Variants in LARGE1 observed in about 807,000 individuals in gnomAD.
The protein encoded by LARGE1 is LARGE xylosyl- and glucuronyltransferase 1.
LARGE1 carries 43 observed loss-of-function variants against 87.6 expected under a neutral mutation model. The observed-to-expected ratio is 0.49, with a 90% CI of 0.38 to 0.63. The LOEUF (loss-of-function observed/expected upper bound fraction) is 0.63, where lower values mean the gene tolerates loss of function less well. Among genes scored for constraint, LARGE1 ranks in the 30% least tolerant of loss-of-function variants. LARGE1 has a pLI of 0.00. For synonymous variants in LARGE1, 434 were observed against 394.6 expected, an observed-to-expected ratio of 1.10 and a Z score of -1.18; for missense variants, 802 against 1,000.2, an observed-to-expected ratio of 0.80 and a Z score of 2.67.
intron 9 of LARGE1, among the ~76,000 whole-genome samples, chr22:33,348,816 C>T (rs1238188647): frequency 6.6e-6 from 1 of 151,874 alleles, no homozygotes; most frequent in African/African-American, 2.4e-5. Flanking sequence ...CAAATCTCAT[C>T]TTGAATTGTA....
At chr22:33,127,289 T>G in the LARGE1 span, among the ~76,000 whole-genome samples, 1 of 152,092 alleles carries the variant, frequency 6.6e-6, no homozygotes. Flanking sequence ...CAACCCAGGA[T>G]TAAGAAAAAC....
chr22:33,441,410 G>A (rs1294081146), intron 6 of LARGE1, among the ~76,000 whole-genome samples: 3 of 151,920 alleles, frequency 2.0e-5, no homozygotes, highest in Non-Finnish European at 4.4e-5. Context: ...CCTGGTTTAA[G>A]TTCTAGCTCT....
chr22:33,806,876 G>C (rs1189911276), intron 1 of LARGE1, among the ~76,000 whole-genome samples: 1 of 152,194 alleles, frequency 6.6e-6, no homozygotes, highest in African/African-American at 2.4e-5. Flanking sequence ...TGGGCATGGT[G>C]TCACGTGCCT....
the LARGE1 span, among the ~76,000 whole-genome samples, chr22:33,098,444 C>A: frequency 6.6e-6 from 1 of 152,028 alleles, no homozygotes; most frequent in Non-Finnish European, 1.5e-5. Context: ...ACGGTGAAAC[C>A]CCGTCTCTAC....
At chr22:33,797,970 A>G (rs1342485025) in intron 1 of LARGE1, among the ~76,000 whole-genome samples, 2 of 152,194 alleles carry the variant, frequency 1.3e-5, no homozygotes, top group Non-Finnish European at 1.5e-5. Flanking sequence ...TCGTACCTAC[A>G]CATTAAAGTA....
At chr22:33,176,067 T>C (rs908252491) in intron 11 of LARGE1, among the ~76,000 whole-genome samples, 8 of 152,136 alleles carry the variant, frequency 5.3e-5, no homozygotes, top group African/African-American at 1.9e-4. Context: ...GATTCCCTAT[T>C]TAATAAATGA....
intron 6 of LARGE1, among the ~76,000 whole-genome samples, chr22:33,557,775 C>G (rs1232243270): frequency 3.3e-5 from 5 of 152,132 alleles, no homozygotes; most frequent in African/African-American, 4.8e-5. Context: ...CCATGTTTGC[C>G]AGGCTGGTCT....
At chr22:33,068,745 C>T in the LARGE1 span, among the ~76,000 whole-genome samples, 1 of 152,206 alleles carries the variant, frequency 6.6e-6, no homozygotes, top group Non-Finnish European at 1.5e-5. Flanking sequence ...TCTGCTCATT[C>T]ATTCATTGCT....
chr22:33,715,713 C>T (rs765754360), intron 2 of LARGE1, among the ~76,000 whole-genome samples: 1 of 152,174 alleles, frequency 6.6e-6, no homozygotes, highest in Non-Finnish European at 1.5e-5. Context: ...TTCTCTTCCC[C>T]TAGCTCCCCA....
At chr22:33,647,574 A>G (rs1602958620) in intron 3 of LARGE1, among the ~76,000 whole-genome samples, 1 of 152,144 alleles carries the variant, frequency 6.6e-6, no homozygotes, top group East Asian at 1.9e-4. Flanking sequence ...CCATCCCTAC[A>G]CTGATGGCCT....
exon 12 of LARGE1, chr22:33,166,313 TC>T (rs1376467518): frequency 6.7e-6 from 1 of 150,366 alleles, no homozygotes; most frequent in Non-Finnish European, 1.4e-5. Context: ...CCCGTTGTCT[TC>T]AAGGAAGTGT....
intron 11 of LARGE1, among the ~76,000 whole-genome samples, chr22:33,238,772 C>T (rs1215449994): frequency 1.3e-5 from 2 of 152,116 alleles, no homozygotes; most frequent in Non-Finnish European, 2.9e-5. Flanking sequence ...CATTAAGCAT[C>T]GTATAACAAT....
chr22:33,413,504 G>A (rs1034951002), intron 7 of LARGE1, among the ~76,000 whole-genome samples: 3 of 151,112 alleles, frequency 2.0e-5, no homozygotes, highest in Non-Finnish European at 4.4e-5. Context: ...TTGCTCTGTC[G>A]CCCAGACTGG....
At chr22:33,878,984 C>CA (rs1032416496) in intron 1 of LARGE1, among the ~76,000 whole-genome samples, 3 of 128,046 alleles carry the variant, frequency 2.3e-5, no homozygotes, top group African/African-American at 8.7e-5. Flanking sequence ...CTTCTTCTTC[C>CA]TTTTTTTTTT....
intron 5 of LARGE1, among the ~76,000 whole-genome samples, chr22:33,581,781 C>A (rs2078527004): frequency 7.0e-6 from 1 of 142,528 alleles, no homozygotes; most frequent in Admixed American, 7.3e-5. Flanking sequence ...CATTGCACTC[C>A]AGTCTGGGTG....
chr22:33,572,007 C>T, intron 5 of LARGE1: 1 of 336,582 alleles, frequency 3.0e-6, no homozygotes, highest in Non-Finnish European at 5.9e-6. Flanking sequence ...CAAATCTCTC[C>T]AGGCCTTAAT....
At chr22:33,821,285 G>A (rs1303043404) in intron 1 of LARGE1, among the ~76,000 whole-genome samples, 1 of 151,980 alleles carries the variant, frequency 6.6e-6, no homozygotes, top group Non-Finnish European at 1.5e-5. Context: ...TACGAAGTTA[G>A]AAAAAAATGG....
At chr22:33,678,868 C>T (rs1345815726) in intron 2 of LARGE1, among the ~76,000 whole-genome samples, 2 of 152,214 alleles carry the variant, frequency 1.3e-5, no homozygotes, top group East Asian at 3.8e-4. Flanking sequence ...CATCCACTTT[C>T]CCTGATGCGC....
Position 33,685,261 on chromosome 22 carries a change from C to A in LARGE1, c.107-34593G>T, listed in dbSNP as rs186085152. Among the ~76,000 whole-genome samples, 71 of 152,270 alleles carry A rather than the reference C, an allele frequency of 4.7e-4. No homozygotes were observed. In the East Asian group the frequency reaches 7.9e-3, roughly 17 times the overall value. On this transcript the variant is annotated intron_variant, in intron 2 of 14. Transcript: ENST00000397394. ...GGGGGTATTAATATACAAAAGAAAT[C>A]CCAGCCATCCTGCCTGAAATGCTGA... is the stretch of plus-strand genomic sequence containing the variant.
Sources: allele counts gnomAD v4.1 joint callset (sites outside exome capture counted in the v4.1 genomes callset), GRCh38; gene constraint gnomAD v4.1.1; transcripts MANE v1.5; gene names NCBI Gene and HGNC (gene_info 2026-07-23, HGNC 2026-07-21).